ATG7: variants seen among roughly 807,000 people sequenced by gnomAD.
ATG7 encodes the protein ubiquitin-like modifier-activating enzyme ATG7.
ATG7 carries 70 observed loss-of-function variants against 82.4 expected under a neutral mutation model. The ratio of observed to expected loss-of-function variants is 0.85; its 90% CI spans 0.70 to 1.04. ATG7 has a LOEUF of 1.04. Ranked by LOEUF, ATG7 falls within the 50% of genes least tolerant of loss-of-function variation. ATG7 has a pLI of 0.00. For synonymous variants in ATG7, 287 were observed against 313.0 expected (o/e 0.92, Z 0.88); for missense variants, 792 against 864.3 (o/e 0.92, Z 1.05).
At chr3:11,539,224 C>T (rs2070619823) in intron 20 of ATG7, among the ~76,000 whole-genome samples, 1 of 152,118 alleles carries the variant, frequency 6.6e-6, no homozygotes, top group Non-Finnish European at 1.5e-5. Context: ...TTCATGGTCA[C>T]AACAGCCCTA....
At chr3:11,305,366 A>T (rs1211181155) in intron 5 of ATG7, among the ~76,000 whole-genome samples, 3 of 152,156 alleles carry the variant, frequency 2.0e-5, no homozygotes, top group South Asian at 2.1e-4. Context: ...CCTTTCACAA[A>T]ATGAGGCTTT....
chr3:11,374,706 C>A (rs967713790), intron 18 of ATG7, among the ~76,000 whole-genome samples: 5 of 151,926 alleles, frequency 3.3e-5, no homozygotes, highest in Non-Finnish European at 5.9e-5. Flanking sequence ...GAGATTGAGA[C>A]CATCCTGGTT....
At position 11,364,638 on chromosome 3, in the gene ATG7, CT is replaced by C. The variant is rs1212967227; in HGVS notation, c.1800-20del. ...TTAAACTTGGATTAAATGAGCAGCT[CT>C]GATTGTTTCCTGTCCTCAGGGGCTA... On this transcript the variant is annotated intron_variant, in intron 17 of 20. Coordinates refer to ENST00000693202, the MANE Select transcript of ATG7 (RefSeq NM_001349232.2). The C allele has an allele frequency of 6.2e-7, 1 of 1,613,340 alleles. No homozygotes were observed. The highest frequency in any genetic ancestry group is 8.5e-7 in the Non-Finnish European group (1 of 1,179,278).
intron 20 of ATG7, among the ~76,000 whole-genome samples, chr3:11,467,713 A>G (rs926131750): frequency 5.3e-5 from 8 of 152,012 alleles, no homozygotes; most frequent in Admixed American, 2.0e-4. Context: ...CCTATGTGGG[A>G]CTTATCACCG....
intron 5 of ATG7, among the ~76,000 whole-genome samples, chr3:11,303,435 C>G (rs1052431424): frequency 4.6e-5 from 7 of 151,918 alleles, no homozygotes; most frequent in African/African-American, 1.2e-4. Context: ...TTTGGGAGGC[C>G]GAGGCAGGCG....
chr3:11,552,825 A>G (rs1021638932), intron 20 of ATG7, among the ~76,000 whole-genome samples: 1 of 152,154 alleles, frequency 6.6e-6, no homozygotes, highest in Admixed American at 6.5e-5. Context: ...GGCCAGTCCC[A>G]GGCCACCCAG....
intron 11 of ATG7, among the ~76,000 whole-genome samples, chr3:11,333,628 ATATG>A (rs1951954503): frequency 6.7e-6 from 1 of 148,554 alleles, no homozygotes; most frequent in African/African-American, 2.6e-5. Context: ...ATAGAGAGAT[ATATG>A]TGTGTGTGTG....
chr3:11,536,833 C>T (rs1449085518), intron 20 of ATG7, among the ~76,000 whole-genome samples: 1 of 152,150 alleles, frequency 6.6e-6, no homozygotes, highest in East Asian at 1.9e-4. Flanking sequence ...CCTTCAGCAG[C>T]TGTGTAGGGT....
chr3:11,489,202 G>A (rs1033223629), intron 20 of ATG7, among the ~76,000 whole-genome samples: 1 of 152,206 alleles, frequency 6.6e-6, no homozygotes, highest in Non-Finnish European at 1.5e-5. Flanking sequence ...GAGAACCACT[G>A]CTCTCTTCAA....
At chr3:11,494,756 A>AG (rs2090676309) in intron 20 of ATG7, among the ~76,000 whole-genome samples, 1 of 152,260 alleles carries the variant, frequency 6.6e-6, no homozygotes, top group African/African-American at 2.4e-5. Context: ...AGAGGTGTTG[A>AG]GGAGGGGACT....
rs115870267 is a variant in ATG7 at position 11,418,941 on chromosome 3, G to A, written c.1957-7863G>A. 1.8e-4 allele frequency among the ~76,000 whole-genome samples: 27 copies of A among 152,084 alleles called. No homozygotes were observed. The East Asian group carries it at 1.9e-3, about 11-fold the overall frequency. ...TCAGATCTCATGAGAACTCGCTATC[G>A]CAAGAACAGCATGGGAAACTGCCCC... On this transcript the variant is annotated intron_variant, in intron 19 of 20. Coordinates refer to ENST00000693202, the MANE Select transcript of ATG7 (RefSeq NM_001349232.2).
intron 20 of ATG7, among the ~76,000 whole-genome samples, chr3:11,473,404 A>G (rs1226670394): frequency 6.6e-6 from 1 of 152,154 alleles, no homozygotes; most frequent in Non-Finnish European, 1.5e-5. Context: ...CCTTTGTGGG[A>G]TGGATATCAT....
intron 20 of ATG7, among the ~76,000 whole-genome samples, chr3:11,535,596 AC>A (rs1465498764): frequency 6.6e-6 from 1 of 151,822 alleles, no homozygotes; most frequent in Non-Finnish European, 1.5e-5. Context: ...CTACAGGAGG[AC>A]TCAGCTCTTC....
intron 3 of ATG7, among the ~76,000 whole-genome samples, chr3:11,291,697 C>T (rs1232576522): frequency 6.6e-6 from 1 of 152,200 alleles, no homozygotes; most frequent in Non-Finnish European, 1.5e-5. Context: ...ATTATCAAAA[C>T]AGCAAGCACA....
chr3:11,449,209 A>C (rs990021905), intron 20 of ATG7, among the ~76,000 whole-genome samples: 1 of 152,222 alleles, frequency 6.6e-6, no homozygotes, highest in Admixed American at 6.5e-5. Context: ...TAGGTGGGCC[A>C]AAATATGAGC....
rs1219013367 is a variant in ATG7, at chr3:11,488,328, G to A, written c.2079+61402G>A. Reference sequence around the variant, plus strand: ...CTTGCCCTCGGGCCCCGCGGGGTCCGTCCGCTCCTCCAGCCGCTGCCTCCC... The same window carrying A: ...CTTGCCCTCGGGCCCCGCGGGGTCCATCCGCTCCTCCAGCCGCTGCCTCCC... On this transcript the variant is annotated intron_variant, in intron 20 of 20. Transcript: ENST00000693202. The A allele has an allele frequency of 4.1e-4, 152 of 371,516 alleles. 1 individual carries two copies. The Middle Eastern group carries it at 5.9e-3, about 14-fold the overall frequency. 23.0% of individuals were successfully genotyped at this position (371,516 alleles called of 1,614,324 possible). A position where few individuals can be genotyped will look rare whatever the true frequency, so the allele number is the denominator to read the frequency against.
At chr3:11,454,634 C>G (rs535912873) in intron 20 of ATG7, among the ~76,000 whole-genome samples, 1 of 152,304 alleles carries the variant, frequency 6.6e-6, no homozygotes, top group Non-Finnish European at 1.5e-5. Flanking sequence ...CCACATTTCC[C>G]TTTTAGCTTG....
chr3:11,480,616 C>T (rs1446916986), intron 20 of ATG7, among the ~76,000 whole-genome samples: 3 of 152,154 alleles, frequency 2.0e-5, no homozygotes, highest in Admixed American at 6.5e-5. Flanking sequence ...CTGGTTTCCT[C>T]GACTTCACCT....
At chr3:11,295,502 C>T (rs1399649222) in intron 3 of ATG7, among the ~76,000 whole-genome samples, 1 of 152,218 alleles carries the variant, frequency 6.6e-6, no homozygotes, top group African/African-American at 2.4e-5. Context: ...CGGACACAGT[C>T]AGTTACTCCC....
Sources: gnomAD v4.1 joint callset for allele counts (sites outside exome capture counted in the v4.1 genomes callset) on GRCh38, gnomAD v4.1.1 for gene constraint, MANE v1.5 for transcripts, NCBI Gene and HGNC (gene_info 2026-07-23, HGNC 2026-07-21) for gene names.